Variants in RBAK observed in about 807,000 individuals in gnomAD.
The protein encoded by RBAK is RB-associated KRAB zinc finger protein.
Under a neutral mutation model 65.8 loss-of-function variants are expected in RBAK, and 39 were observed. The observed-to-expected ratio is 0.59, with a 90% confidence interval of 0.46 to 0.77. The LOEUF (loss-of-function observed/expected upper bound fraction) is 0.77. Ranked by LOEUF, RBAK falls within the 30% of genes least tolerant of loss-of-function variation. The pLI is 0.00. For missense variants in RBAK, 884 were observed against 855.1 expected (o/e 1.03, Z -0.42); for synonymous variants, 343 against 289.7 (o/e 1.18, Z -1.87).
At position 5,064,164 on chromosome 7, in the gene RBAK, T is replaced by C; in HGVS notation, c.708T>C (p.Asn236=). 6.2e-7 allele frequency: 1 copy of C among 1,613,962 alleles called. No individual in the cohort carries two copies. The highest frequency in any genetic ancestry group is 8.5e-7 in the Non-Finnish European group (1 of 1,179,960). ...TAGGGGAGAAGCCCTATGAGTGGAA[T>C]GATTCTGGACCAGACTTCATACAGA... ...AYIGEKPYEW[N]DSGPDFIQMS... is the part of the protein sequence containing the mutation. Residue 236 remains asparagine (N), a synonymous_variant, in exon 5 of 5, where the codon AAT becomes AAC. Transcript: ENST00000396912. The surrounding 1 kb of genome is among the most constrained non-coding windows in gnomAD (Gnocchi z 6.3).
rs1184276317 is a variant in RBAK, at chr7:5,068,783, A to G, written c.*3182A>G. 3 of 152,238 alleles carry G rather than the reference A, an allele frequency of 2.0e-5. No individual in the cohort carries two copies. The highest frequency in any genetic ancestry group is 7.2e-5 in the African/African-American group (3 of 41,466). 9.4% of individuals were successfully genotyped at this position (152,238 alleles called of 1,614,324 possible). ...ACAAAACAGAACTATCTTAAGGCAC[A>G]TGTGCAATGGAATGAATAAAGAAGT... On this transcript the variant is annotated 3_prime_UTR_variant, in exon 5 of 5. Coordinates refer to ENST00000396912, the MANE Select transcript of RBAK (RefSeq NM_021163.4).
At position 5,048,421 on chromosome 7, in the gene RBAK, G is replaced by T. The variant is rs1788042785; in HGVS notation, c.15+330G>T. Among the ~76,000 whole-genome samples the T allele has an allele frequency of 6.6e-6, 1 of 152,172 alleles. No homozygotes were observed. Among genetic ancestry groups the T allele is most frequent in the South Asian group, 2.1e-4 (1 of 4,828 alleles). On this transcript the variant is annotated intron_variant, in intron 2 of 4. Coordinates refer to ENST00000396912, the MANE Select transcript of RBAK (RefSeq NM_021163.4). This position sits in a 1 kb window ranked among gnomAD's most constrained non-coding sequence, Gnocchi z 4.4. ...ACTCCTGACCTCAGGTGATCCTCCT[G>T]CCTCAGCCTCCCAAAGTGCTGGGAT...
chr7:5,061,937 A>G (rs1016240620), intron 4 of RBAK, among the ~76,000 whole-genome samples: 1 of 151,630 alleles, frequency 6.6e-6, no homozygotes, highest in Non-Finnish European at 1.5e-5. Context: ...GGTCTATCTT[A>G]TGTTTCTTTT....
At position 5,063,900 on chromosome 7, in the gene RBAK, G is replaced by A. The variant is rs144244958; in HGVS notation, c.444G>A (p.Ser148=). ...VSCGKNLESI[S]QLISSDGSYA... is the part of the protein sequence containing the mutation. ...GTGGAAAGAATTTAGAATCTATTTC[G>A]CAATTAATTAGTAGTGATGGAAGCT... Residue 148 remains serine, a synonymous_variant, in exon 5 of 5, where the codon TCG becomes TCA. Transcript: ENST00000396912. The A allele has an allele frequency of 1.5e-4, 241 of 1,613,874 alleles. 1 individual carries two copies. In the East Asian group the frequency reaches 3.6e-3, roughly 24 times the overall value.
rs377400726 is a variant in RBAK, at chr7:5,069,325, C to T, written c.*3724C>T. 1.1e-4 allele frequency: 16 copies of T among 152,170 alleles called. No homozygotes were observed. The highest frequency in any genetic ancestry group is 6.2e-4 in the South Asian group (3 of 4,824). The allele number at this position is 152,170 out of a possible 1,614,324, so 9.4% of individuals were successfully genotyped here. A position where few individuals can be genotyped will look rare whatever the true frequency, so the allele number is the denominator to read the frequency against. Reference sequence around the variant, plus strand: ...TGATGGCAACTACTAAGATTTCCTACGCTGTCCTTAAAGCTTAGCATAATG... The same window carrying T: ...TGATGGCAACTACTAAGATTTCCTATGCTGTCCTTAAAGCTTAGCATAATG... On this transcript the variant is annotated 3_prime_UTR_variant, in exon 5 of 5. Transcript: ENST00000396912.
intron 2 of RBAK, among the ~76,000 whole-genome samples, chr7:5,052,179 T>C (rs1318188974): frequency 6.6e-6 from 1 of 152,252 alleles, no homozygotes; most frequent in Non-Finnish European, 1.5e-5. Context: ...TGTAGCATTC[T>C]TTTGAGTAAT....
intron 4 of RBAK, among the ~76,000 whole-genome samples, chr7:5,061,769 G>A (rs1357450163): frequency 6.6e-6 from 1 of 151,794 alleles, no homozygotes; most frequent in African/African-American, 2.4e-5. Context: ...GCGGTGGCGT[G>A]TGCCTGTAAT....
chr7:5,053,893 C>T (rs1562534739), intron 2 of RBAK, among the ~76,000 whole-genome samples: 1 of 152,134 alleles, frequency 6.6e-6, no homozygotes. Flanking sequence ...TAAACTCTGT[C>T]AATTCTGGGC....
intron 2 of RBAK, among the ~76,000 whole-genome samples, chr7:5,055,358 A>G (rs1179246906): frequency 6.6e-6 from 1 of 152,170 alleles, no homozygotes; most frequent in East Asian, 1.9e-4. Flanking sequence ...TATATATCAT[A>G]CATACTATTG....
chr7:5,054,048 G>C (rs912608139), intron 2 of RBAK, among the ~76,000 whole-genome samples: 4 of 152,084 alleles, frequency 2.6e-5, no homozygotes, highest in African/African-American at 9.7e-5. Context: ...AAGTTGATTG[G>C]TTCACCTTGT....
rs1474064663 is a variant in RBAK, at chr7:5,063,846, A to C, written c.390A>C (p.Ser130=). 1 of 1,614,112 alleles carries C rather than the reference A, an allele frequency of 6.2e-7. No homozygotes were observed. The highest frequency in any genetic ancestry group is 1.3e-5 in the African/African-American group (1 of 75,064). The change falls in exon 5 of 5, where the codon TCA becomes TCC. Residue 130 remains serine (S), a synonymous_variant. Coordinates refer to ENST00000396912, the MANE Select transcript of RBAK (RefSeq NM_021163.4). ...ACATGGAAACAAGCCTTGTTCCTTC[A>C]AGCATAATAGCTCATAATTGTGTCT... ...QIYMETSLVP[S]SIIAHNCVSC...
In RBAK at chr7:5,065,482, G is replaced by A. The variant is rs1779195368; in HGVS notation, c.2026G>A (p.Glu676Lys). Residue 676 changes from glutamate to lysine, a missense_variant, in exon 5 of 5, where the codon GAG becomes AAG. By Grantham distance (56) the Glu-to-Lys change is moderately conservative. Coordinates refer to ENST00000396912, the MANE Select transcript of RBAK (RefSeq NM_021163.4). The surrounding 1 kb of genome is among the most constrained non-coding windows in gnomAD (Gnocchi z 5.3). Reference protein sequence around the residue: ...LTVHYRTHSGEKPYECNECGK... With the variant: ...LTVHYRTHSGKKPYECNECGK... ...TGTACACTATAGAACTCATTCAGGA[G>A]AGAAACCCTATGAATGTAACGAGTG... The A allele has an allele frequency of 6.2e-7, 1 of 1,607,186 alleles. No homozygotes were observed. The highest frequency in any genetic ancestry group is 1.7e-5 in the Admixed American group (1 of 59,744).
chr7:5,063,206 A>G (rs1368750412), intron 4 of RBAK, among the ~76,000 whole-genome samples: 1 of 152,232 alleles, frequency 6.6e-6, no homozygotes, highest in East Asian at 1.9e-4. Flanking sequence ...ATAAATGTCC[A>G]TGAAATCTTA....
At chr7:5,046,753 G>T (rs1314738275) in intron 1 of RBAK, among the ~76,000 whole-genome samples, 7 of 152,172 alleles carry the variant, frequency 4.6e-5, no homozygotes, top group African/African-American at 1.7e-4. Flanking sequence ...TCCCCCCTTA[G>T]ATCTGCCCTG....
At chr7:5,057,060 C>T (rs1778934559) in intron 2 of RBAK, 3 of 199,406 alleles carry the variant, frequency 1.5e-5, no homozygotes, top group Non-Finnish European at 2.6e-5. Context: ...TTTTGTGGGG[C>T]AATATATATA....
intron 4 of RBAK, among the ~76,000 whole-genome samples, chr7:5,061,957 C>T (rs986723442): frequency 6.6e-6 from 1 of 151,826 alleles, no homozygotes. Context: ...TGGACATTCA[C>T]ATGCCTGGAT....
intron 4 of RBAK, 31 bp downstream of exon 4, chr7:5,057,810 A>G (rs375253186): frequency 6.2e-7 from 1 of 1,613,270 alleles, no homozygotes; most frequent in Non-Finnish European, 8.5e-7. Flanking sequence ...AGGTTAAAAA[A>G]TGCTCATCCC....
rs1430220564 is a variant in RBAK at position 5,046,315 on chromosome 7, G to A, written c.-126G>A. ...AGTGAGGTGGACAGGAGGGGACCTC[G>A]CGAGCAGACGCGCGCCAGCGACAGC... On this transcript the variant is annotated 5_prime_UTR_variant, in exon 1 of 5. Coordinates refer to ENST00000396912, the MANE Select transcript of RBAK (RefSeq NM_021163.4). 1 of 516,016 alleles carries A rather than the reference G, an allele frequency of 1.9e-6. No homozygotes were observed. Among genetic ancestry groups the A allele is most frequent in the Non-Finnish European group, 3.9e-6 (1 of 259,468 alleles). 32.0% of individuals were successfully genotyped at this position (516,016 alleles called of 1,614,324 possible).
intron 2 of RBAK, among the ~76,000 whole-genome samples, chr7:5,052,026 A>G (rs1170298405): frequency 6.6e-6 from 1 of 152,170 alleles, no homozygotes; most frequent in East Asian, 1.9e-4. Context: ...TCTCTTTGCA[A>G]TTTTACCACT....
Sources: allele counts gnomAD v4.1 joint callset (sites outside exome capture counted in the v4.1 genomes callset), GRCh38; gene constraint gnomAD v4.1.1; non-coding constraint Gnocchi (gnomAD v3.1); transcripts MANE v1.5; gene names NCBI Gene and HGNC (gene_info 2026-07-23, HGNC 2026-07-21).